Variants in CCSER1 observed in about 807,000 individuals in gnomAD.
CCSER1 encodes serine-rich coiled-coil domain-containing protein 1.
In CCSER1, 41 loss-of-function variants were observed where a neutral mutation model predicts 82.0. The observed-to-expected ratio is 0.50, with a 90% CI of 0.39 to 0.65. CCSER1 has a LOEUF of 0.65. Ranked by LOEUF, CCSER1 falls within the 30% of genes least tolerant of loss-of-function variation. CCSER1 has a pLI of 0.00. For synonymous variants in CCSER1, 414 were observed against 383.9 expected, an observed-to-expected ratio of 1.08 and a Z score of -0.92; for missense variants, 1,119 against 1,064.2, an observed-to-expected ratio of 1.05 and a Z score of -0.72.
At chr4:90,483,442 T>C (rs1766431314) in intron 5 of CCSER1, among the ~76,000 whole-genome samples, 1 of 152,208 alleles carries the variant, frequency 6.6e-6, no homozygotes, top group African/African-American at 2.4e-5. Flanking sequence ...TTTTGCTTGT[T>C]AGTTGATGCA....
chr4:90,749,903 C>T (rs528148722), intron 7 of CCSER1, among the ~76,000 whole-genome samples: 3 of 151,960 alleles, frequency 2.0e-5, no homozygotes, highest in South Asian at 2.1e-4. Context: ...TTTACAGTCC[C>T]ACCAACAGTG....
At chr4:91,039,217 T>C (rs1344638480) in intron 9 of CCSER1, among the ~76,000 whole-genome samples, 3 of 151,324 alleles carry the variant, frequency 2.0e-5, no homozygotes, top group Non-Finnish European at 2.9e-5. Context: ...TCTTTCTTTT[T>C]TTTTTTATGG....
intron 10 of CCSER1, among the ~76,000 whole-genome samples, chr4:91,134,927 G>A (rs1728328295): frequency 6.6e-6 from 1 of 151,976 alleles, no homozygotes; most frequent in Non-Finnish European, 1.5e-5. Flanking sequence ...GGATGTGGTG[G>A]CGCATGCTTG....
intron 6 of CCSER1, among the ~76,000 whole-genome samples, chr4:90,648,333 GAA>G (rs1046332164): frequency 1.3e-5 from 2 of 151,236 alleles, no homozygotes; most frequent in South Asian, 2.1e-4. Flanking sequence ...AAGAAAGAAA[GAA>G]AGAAAGAGAG....
chr4:90,460,544 G>C (rs1321560480), intron 4 of CCSER1, among the ~76,000 whole-genome samples: 2 of 151,952 alleles, frequency 1.3e-5, no homozygotes, highest in African/African-American at 4.8e-5. Context: ...AGTTTTGTCT[G>C]AGTTTCCAGG....
At chr4:90,716,667 A>G (rs1039345306) in intron 6 of CCSER1, among the ~76,000 whole-genome samples, 1 of 152,128 alleles carries the variant, frequency 6.6e-6, no homozygotes, top group African/African-American at 2.4e-5. Flanking sequence ...TCAGTACAGT[A>G]ACATGCTGTA....
intron 9 of CCSER1, among the ~76,000 whole-genome samples, chr4:90,925,227 C>T (rs1464675125): frequency 6.6e-6 from 1 of 152,026 alleles, no homozygotes; most frequent in African/African-American, 2.4e-5. Flanking sequence ...AAATTAGAAT[C>T]CACTTACTTC....
chr4:91,523,315 G>C (rs1324068368), intron 10 of CCSER1, among the ~76,000 whole-genome samples: 1 of 152,124 alleles, frequency 6.6e-6, no homozygotes, highest in Non-Finnish European at 1.5e-5. Context: ...TGTTCATCAG[G>C]GATATTGGTC....
intron 1 of CCSER1, among the ~76,000 whole-genome samples, chr4:90,302,863 G>T (rs1027973958): frequency 6.6e-6 from 1 of 151,980 alleles, no homozygotes; most frequent in African/African-American, 2.4e-5. Flanking sequence ...AGGAAAGAAA[G>T]ATAAGAAAAT....
chr4:90,169,884 A>T (rs7655515), intron 1 of CCSER1, among the ~76,000 whole-genome samples: 47 of 151,566 alleles, frequency 3.1e-4, no homozygotes, highest in African/African-American at 1.1e-3. Context: ...AAACCTTTTC[A>T]TGCCATTTTC....
chr4:90,334,362 C>A (rs1206244257), intron 3 of CCSER1, among the ~76,000 whole-genome samples: 1 of 152,012 alleles, frequency 6.6e-6, no homozygotes, highest in African/African-American at 2.4e-5. Context: ...GATAGGCCTT[C>A]TGGAATCATC....
intron 6 of CCSER1, among the ~76,000 whole-genome samples, chr4:90,630,482 T>G (rs113014421): frequency 0.012 from 1,865 of 152,238 alleles, 37 homozygotes; most frequent in African/African-American, 0.043. Flanking sequence ...TGCCACCTGG[T>G]TTTCTTTATT....
At chr4:91,441,882 GA>G (rs1386533254) in intron 10 of CCSER1, among the ~76,000 whole-genome samples, 1 of 152,144 alleles carries the variant, frequency 6.6e-6, no homozygotes, top group Non-Finnish European at 1.5e-5. Context: ...TTGCTTCAAA[GA>G]GAATAAAATA....
intron 10 of CCSER1, among the ~76,000 whole-genome samples, chr4:91,192,171 C>T (rs566345822): frequency 7.2e-5 from 11 of 152,194 alleles, no homozygotes; most frequent in Admixed American, 2.0e-4. Flanking sequence ...CTACCTCTGA[C>T]TACTGCCTTC....
At chr4:91,255,741 A>G (rs1020485764) in intron 10 of CCSER1, among the ~76,000 whole-genome samples, 1 of 152,204 alleles carries the variant, frequency 6.6e-6, no homozygotes, top group Non-Finnish European at 1.5e-5. Flanking sequence ...CTCTGAACAT[A>G]AATTGTGAAG....
chr4:90,334,878 A>T (rs1386303053), intron 3 of CCSER1, among the ~76,000 whole-genome samples: 1 of 152,186 alleles, frequency 6.6e-6, no homozygotes, highest in Non-Finnish European at 1.5e-5. Flanking sequence ...ACACAGCCCA[A>T]TTTATGATAA....
intron 9 of CCSER1, among the ~76,000 whole-genome samples, chr4:91,053,108 T>A (rs189884213): frequency 3.5e-3 from 532 of 151,738 alleles, no homozygotes; most frequent in Non-Finnish European, 4.8e-3. Flanking sequence ...CCAAAATTAG[T>A]TTGAGAATAA....
chr4:91,238,896 T>C (rs1453059659), intron 10 of CCSER1, among the ~76,000 whole-genome samples: 2 of 151,858 alleles, frequency 1.3e-5, no homozygotes, highest in Non-Finnish European at 2.9e-5. Context: ...GGACCTCAGC[T>C]CACCGCAACC....
At chr4:91,089,465 G>A (rs1351593239) in intron 10 of CCSER1, among the ~76,000 whole-genome samples, 1 of 152,096 alleles carries the variant, frequency 6.6e-6, no homozygotes, top group Non-Finnish European at 1.5e-5. Flanking sequence ...AACAATATGG[G>A]GGGATCTCTT....
Sources: allele counts gnomAD v4.1 joint callset (sites outside exome capture counted in the v4.1 genomes callset), GRCh38; gene constraint gnomAD v4.1.1; transcripts MANE v1.5; gene names NCBI Gene and HGNC (gene_info 2026-07-23, HGNC 2026-07-21).